NR2E1: variants seen among roughly 807,000 people sequenced by gnomAD.
NR2E1 encodes nuclear receptor subfamily 2 group E member 1.
Under a neutral mutation model 43.6 loss-of-function variants are expected in NR2E1, and 5 were observed. The ratio of observed to expected loss-of-function variants is 0.11; its 90% CI spans 0.06 to 0.24. The LOEUF is 0.24. Ranked by LOEUF, NR2E1 falls within the 10% of genes least tolerant of loss-of-function variation. The probability of loss-of-function intolerance (pLI) is 1.00; values close to 1 mark genes in which losing one functional copy is unlikely to be tolerated. For missense variants in NR2E1, 287 were observed against 496.7 expected, an observed-to-expected ratio of 0.58 and a Z score of 4.01; for synonymous variants, 191 against 195.5, an observed-to-expected ratio of 0.98 and a Z score of 0.19.
At chr6:108,173,036 T>C (rs562123805) in intron 2 of NR2E1, among the ~76,000 whole-genome samples, 44 of 152,358 alleles carry the variant, frequency 2.9e-4, no homozygotes, top group African/African-American at 1.1e-3. Context: ...ATCTCTGATG[T>C]TGTGCTTGAT....
chr6:108,169,759 CA>C lies in NR2E1; in HGVS notation c.26-1697del, dbSNP rs1054309729. 9.2e-5 allele frequency among the ~76,000 whole-genome samples: 14 copies of C among 152,138 alleles called. No homozygotes were observed. The highest frequency in any genetic ancestry group is 3.4e-4 in the African/African-American group (14 of 41,522). On this transcript the variant is annotated intron_variant, in intron 1 of 8. Coordinates refer to ENST00000368986, the MANE Select transcript of NR2E1 (RefSeq NM_003269.5). This position sits in a 1 kb window ranked among gnomAD's most constrained non-coding sequence, Gnocchi z 6.1. ...TCTCCAGCCCCTCCCTCCCACAGCA[CA>C]ATCTCCCCTCCCGCCCTGTGGGAGG...
chr6:108,168,966 G>A (rs1033620350), intron 1 of NR2E1: 1 of 152,278 alleles, frequency 6.6e-6, no homozygotes, highest in African/African-American at 2.4e-5. Flanking sequence ...AGGCAATTAT[G>A]ACACACAAAA....
chr6:108,174,172 C>T (rs182091458), intron 2 of NR2E1, among the ~76,000 whole-genome samples: 1 of 152,276 alleles, frequency 6.6e-6, no homozygotes, highest in Admixed American at 6.5e-5. Flanking sequence ...TGTTTCTATG[C>T]ACCTGGGCCG....
At chr6:108,170,031 G>A (rs1462316049) in intron 1 of NR2E1, among the ~76,000 whole-genome samples, 1 of 142,858 alleles carries the variant, frequency 7.0e-6, no homozygotes, top group African/African-American at 2.6e-5. Flanking sequence ...CACGGTGCAA[G>A]CTCGCCCGGA....
intron 1 of NR2E1, chr6:108,168,288 C>A: frequency 1.0e-6 from 1 of 966,292 alleles, no homozygotes; most frequent in Non-Finnish European, 1.5e-6. Flanking sequence ...TGGGTCTCGG[C>A]AGGCCTCCTA....
At chr6:108,174,540 G>A (rs217522) in intron 2 of NR2E1, among the ~76,000 whole-genome samples, 8,366 of 152,118 alleles carry the variant, frequency 0.055, 814 homozygotes, top group African/African-American at 0.19. Context: ...GGCCTGCGGG[G>A]TCTGCCAAAC....
At chr6:108,182,432 G>C (rs970660114) in intron 8 of NR2E1, among the ~76,000 whole-genome samples, 1 of 151,670 alleles carries the variant, frequency 6.6e-6, no homozygotes, top group African/African-American at 2.4e-5. Flanking sequence ...AGGCTGGAAG[G>C]CTGAAGTGCA....
At chr6:108,173,878 AAT>A (rs1274640175) in intron 2 of NR2E1, among the ~76,000 whole-genome samples, 1 of 152,254 alleles carries the variant, frequency 6.6e-6, no homozygotes, top group Non-Finnish European at 1.5e-5. Flanking sequence ...TTCCTCTTTC[AAT>A]GGCTAATGTT....
At chr6:108,178,728 G>T in intron 5 of NR2E1, 1 of 227,054 alleles carries the variant, frequency 4.4e-6, no homozygotes, top group Non-Finnish European at 8.9e-6. Context: ...GTCATTAATT[G>T]ATAAGCATGT....
At chr6:108,171,371 TCTCTCC>T in intron 1 of NR2E1, 81 bp from the exon 2 acceptor site, 1 of 1,412,062 alleles carries the variant, frequency 7.1e-7, no homozygotes, top group Non-Finnish European at 1.0e-6. Flanking sequence ...TTAGCATCTC[TCTCTCC>T]CTCTCCCCTT....
chr6:108,187,157 T>A (rs1217872568), intron 8 of NR2E1, 144 bp from the exon 9 acceptor site: 1 of 963,740 alleles, frequency 1.0e-6, no homozygotes, highest in African/African-American at 1.6e-5. Context: ...CAACAGTGCC[T>A]GTCCAGAACT....
At chr6:108,181,811 G>T (rs1773995441) in intron 8 of NR2E1, among the ~76,000 whole-genome samples, 160 bp downstream of exon 8, 1 of 152,192 alleles carries the variant, frequency 6.6e-6, no homozygotes, top group Non-Finnish European at 1.5e-5. Context: ...TCTCAGGGTG[G>T]GTGAGAGGAG....
Position 108,183,345 on chromosome 6 carries a change from T to TA in NR2E1, c.995+1694_995+1695insA, listed in dbSNP as rs779267108. Among the ~76,000 whole-genome samples, 1,157 of 138,944 alleles carry TA rather than the reference T, an allele frequency of 8.3e-3. 25 individuals carry two copies. The highest frequency in any genetic ancestry group is 0.027 in the African/African-American group (1,045 of 38,158). 91.2% of individuals were successfully genotyped at this position (138,944 alleles called of 152,430 possible). ...GCAAGACCCCATCTCCACCAAAAATTTAAAAAAAAAAAAAAGAAGAAGTGT... is the reference window on the plus strand; with the variant it reads ...GCAAGACCCCATCTCCACCAAAAATTATAAAAAAAAAAAAAAGAAGAAGTGT... On this transcript the variant is annotated intron_variant, in intron 8 of 8. Coordinates refer to ENST00000368986, the MANE Select transcript of NR2E1 (RefSeq NM_003269.5).
At chr6:108,187,205 T>G in intron 8 of NR2E1, 96 bp from the exon 9 acceptor site, 1 of 1,380,902 alleles carries the variant, frequency 7.2e-7, no homozygotes, top group Non-Finnish European at 1.0e-6. Flanking sequence ...GAGACCTAGA[T>G]CAGCAATGCT....
chr6:108,176,111 G>A (rs1773892233), intron 3 of NR2E1: 1 of 202,668 alleles, frequency 4.9e-6, no homozygotes, highest in South Asian at 1.2e-4. Flanking sequence ...TCTGGCGTGC[G>A]CGACGCTCCC....
In NR2E1 at chr6:108,174,905, G is replaced by C. The variant is rs1375077924; in HGVS notation, c.241G>C (p.Val81Leu). 1 of 1,614,158 alleles carries C rather than the reference G, an allele frequency of 6.2e-7. No individual in the cohort carries two copies. Among genetic ancestry groups the C allele is most frequent in the Non-Finnish European group, 8.5e-7 (1 of 1,180,002 alleles). Reference protein sequence around the residue: ...RACRLKKCLEVNMNKDAVQHE... With the variant: ...RACRLKKCLELNMNKDAVQHE... ...GTGTCGGCTGAAGAAGTGTTTGGAAGTCAACATGAACAAAGACGGTAATCA... is the reference window on the plus strand; with the variant it reads ...GTGTCGGCTGAAGAAGTGTTTGGAACTCAACATGAACAAAGACGGTAATCA... The change falls in exon 3 of 9, where the codon GTC becomes CTC. Residue 81 changes from valine to leucine, a missense_variant. Around this residue, in one of 4 missense-constraint regions of NR2E1, gnomAD observed 46 missense variants for 132.3 expected, o/e 0.35. Coordinates refer to ENST00000368986, the MANE Select transcript of NR2E1 (RefSeq NM_003269.5).
At chr6:108,176,810 CTG>C (rs10563315) in intron 4 of NR2E1, 72 bp downstream of exon 4, 654,005 of 1,410,674 alleles carry the variant, frequency 0.46, 156,458 homozygotes, top group Non-Finnish European at 0.49. Context: ...TTCTTCTGAG[CTG>C]TGTGATTGGG....
chr6:108,187,859 G>GTGTA lies in NR2E1; in HGVS notation c.*398_*401dup. 1 of 287,444 alleles carries GTGTA rather than the reference G, an allele frequency of 3.5e-6. No individual in the cohort carries two copies. The highest frequency in any genetic ancestry group is 8.0e-5 in the East Asian group (1 of 12,572). 17.8% of individuals were successfully genotyped at this position (287,444 alleles called of 1,614,324 possible). ...AAGTTTGGTAACCAAATATAGCTCT[G>GTGTA]TGTATAACATCGTACTGCGGCCTTC... On this transcript the variant is annotated 3_prime_UTR_variant, in exon 9 of 9. Coordinates refer to ENST00000368986, the MANE Select transcript of NR2E1 (RefSeq NM_003269.5).
At chr6:108,168,143 G>A (rs775098623) in intron 1 of NR2E1, 1 of 1,597,414 alleles carries the variant, frequency 6.3e-7, no homozygotes, top group Non-Finnish European at 8.5e-7. Flanking sequence ...CCTGGCCCTC[G>A]CTGTTGGAAT....
Sources: gnomAD v4.1 joint callset for allele counts (sites outside exome capture counted in the v4.1 genomes callset) on GRCh38, gnomAD v4.1.1 for gene constraint, gnomAD v4.1.1 regional missense constraint, Gnocchi (gnomAD v3.1) non-coding constraint, MANE v1.5 for transcripts, NCBI Gene and HGNC (gene_info 2026-07-23, HGNC 2026-07-21) for gene names.